Variants in PRKAG2 observed in about 807,000 individuals in gnomAD.
PRKAG2 encodes the protein 5'-AMP-activated protein kinase subunit gamma-2.
PRKAG2 carries 26 observed loss-of-function variants against 69.6 expected under a neutral mutation model. The observed-to-expected ratio is 0.37, with a 90% CI of 0.27 to 0.52. PRKAG2 has a LOEUF of 0.52. PRKAG2 is among the 20% of genes least tolerant of loss of function. The pLI, the probability that PRKAG2 is intolerant of heterozygous loss-of-function variation, is 0.90. For missense variants in PRKAG2, 557 were observed against 740.0 expected, an observed-to-expected ratio of 0.75 and a Z score of 2.87; for synonymous variants, 293 against 285.0, an observed-to-expected ratio of 1.03 and a Z score of -0.28.
At chr7:151,730,597 G>A (rs945004650) in intron 3 of PRKAG2, among the ~76,000 whole-genome samples, 3 of 152,100 alleles carry the variant, frequency 2.0e-5, no homozygotes, top group African/African-American at 7.2e-5. Context: ...AACCAATAGT[G>A]ATACCAGCAG....
At chr7:151,644,359 T>G (rs1827226232) in intron 4 of PRKAG2, among the ~76,000 whole-genome samples, 1 of 152,226 alleles carries the variant, frequency 6.6e-6, no homozygotes, top group African/African-American at 2.4e-5. Context: ...CACCCCTTCT[T>G]CAAGGCAACC....
Position 151,632,713 on chromosome 7 carries a change from T to C in PRKAG2, c.685-575A>G. 18 of 631,674 alleles carry C rather than the reference T, an allele frequency of 2.8e-5. No homozygotes were observed. Among genetic ancestry groups the C allele is most frequent in the Non-Finnish European group, 3.6e-5 (18 of 506,462 alleles). 39.1% of individuals were successfully genotyped at this position (631,674 alleles called of 1,614,324 possible). Reference sequence around the variant, plus strand: ...GATCCTTTCTCGCTTTCCTCTTCCCTTTCCAAATTTTAGATGTAACTGCCC... The same window carrying C: ...GATCCTTTCTCGCTTTCCTCTTCCCCTTCCAAATTTTAGATGTAACTGCCC... On this transcript the variant is annotated intron_variant, in intron 4 of 15. Transcript: ENST00000287878. This position sits in a 1 kb window ranked among gnomAD's most constrained non-coding sequence, Gnocchi z 4.2.
intron 3 of PRKAG2, among the ~76,000 whole-genome samples, chr7:151,769,279 T>C (rs1048255320): frequency 6.6e-6 from 1 of 152,230 alleles, no homozygotes; most frequent in Non-Finnish European, 1.5e-5. Flanking sequence ...GGTTAGACAG[T>C]GCCCCCACTA....
chr7:151,804,627 G>A (rs142805533), intron 1 of PRKAG2, among the ~76,000 whole-genome samples: 110 of 152,282 alleles, frequency 7.2e-4, no homozygotes, highest in Middle Eastern at 3.4e-3. Context: ...TCTATTTCCC[G>A]CACTGACTCA....
intron 3 of PRKAG2, among the ~76,000 whole-genome samples, chr7:151,687,110 T>A (rs139725203): frequency 1.5e-4 from 23 of 152,254 alleles, no homozygotes; most frequent in African/African-American, 5.3e-4. Context: ...ACAGAAATGG[T>A]GGTGCAGGGG....
chr7:151,732,622 G>A (rs1697886853), intron 3 of PRKAG2, among the ~76,000 whole-genome samples: 1 of 152,218 alleles, frequency 6.6e-6, no homozygotes, highest in Non-Finnish European at 1.5e-5. Context: ...AAGACCTAGG[G>A]TTAGAGCTAC....
intron 1 of PRKAG2, among the ~76,000 whole-genome samples, chr7:151,799,772 G>A (rs2077735733): frequency 6.6e-6 from 1 of 152,142 alleles, no homozygotes; most frequent in Non-Finnish European, 1.5e-5. Context: ...GAAGGTGTCT[G>A]CTACTCCCCA....
At chr7:151,712,054 A>G (rs1218966460) in intron 3 of PRKAG2, among the ~76,000 whole-genome samples, 1 of 152,196 alleles carries the variant, frequency 6.6e-6, no homozygotes, top group African/African-American at 2.4e-5. Flanking sequence ...TCAGGGTGTG[A>G]CTGCCCGGAG....
chr7:151,876,555 G>C lies in PRKAG2; in HGVS notation c.66C>G (p.Gly22=), dbSNP rs730880971. The part of the protein sequence containing the change: ...KDVSSPGGSG[G]KKNASQKRRS... ...GCCTCTTCTGGCTGGCATTTTTCTT[G>C]CCGCCGCTCCCGCCGGGGCTGGAAA... Residue 22 remains glycine (G), a synonymous_variant, in exon 1 of 16, where the codon GGC becomes GGG. Transcript: ENST00000287878. The C allele has an allele frequency of 7.5e-6, 12 of 1,609,502 alleles. No homozygotes were observed. The highest frequency in any genetic ancestry group is 8.5e-6 in the Non-Finnish European group (10 of 1,179,890).
chr7:151,620,091 C>A, intron 5 of PRKAG2, among the ~76,000 whole-genome samples: 1 of 152,128 alleles, frequency 6.6e-6, no homozygotes, highest in Middle Eastern at 3.4e-3. Flanking sequence ...TCCAGTTCCA[C>A]GCATTTGGGA....
chr7:151,616,760 A>T (rs1373521597), intron 5 of PRKAG2, among the ~76,000 whole-genome samples: 1 of 152,228 alleles, frequency 6.6e-6, no homozygotes, highest in Non-Finnish European at 1.5e-5. Context: ...TGAAAGAAGA[A>T]GTGTTTGAGA....
At chr7:151,810,615 C>CCACT (rs1332971404) in intron 1 of PRKAG2, 1 of 153,282 alleles carries the variant, frequency 6.5e-6, no homozygotes, top group Non-Finnish European at 1.5e-5. Flanking sequence ...GCCTGCAGCC[C>CCACT]ATGGGCTGGC....
chr7:151,790,930 GCTC>G (rs1360682408), intron 1 of PRKAG2, among the ~76,000 whole-genome samples: 4 of 152,278 alleles, frequency 2.6e-5, no homozygotes, highest in Non-Finnish European at 5.9e-5. Flanking sequence ...CCTGCTGCTA[GCTC>G]AGGCTGCCCG....
chr7:151,587,953 T>C (rs1372497279), intron 6 of PRKAG2, among the ~76,000 whole-genome samples: 1 of 152,186 alleles, frequency 6.6e-6, no homozygotes, highest in Admixed American at 6.5e-5. Context: ...GTGTGGGGTA[T>C]ATGTAAATTC....
intron 1 of PRKAG2, among the ~76,000 whole-genome samples, chr7:151,844,698 C>G (rs1292511803): frequency 6.6e-6 from 1 of 152,186 alleles, no homozygotes; most frequent in Non-Finnish European, 1.5e-5. Context: ...TTCTGTGGCT[C>G]ACTGTCTCTA....
chr7:151,643,558 C>T (rs921966404), intron 4 of PRKAG2, among the ~76,000 whole-genome samples: 1 of 152,166 alleles, frequency 6.6e-6, no homozygotes, highest in African/African-American at 2.4e-5. Flanking sequence ...CTCTACATAA[C>T]GTGATCAAAA....
At position 151,836,741 on chromosome 7, in the gene PRKAG2, G is replaced by A. The variant is rs2079155317; in HGVS notation, c.114+39766C>T. ...CCTGGGCTGGAGAACTGTGAGGTAG[G>A]ACCTAGCCCCTCGGGTCCCCTGCCC... On this transcript the variant is annotated intron_variant, in intron 1 of 15. Transcript: ENST00000287878. This position sits in a 1 kb window ranked among gnomAD's most constrained non-coding sequence, Gnocchi z 4.1. Among the ~76,000 whole-genome samples the A allele has an allele frequency of 6.6e-6, 1 of 152,220 alleles. No individual in the cohort carries two copies. Among genetic ancestry groups the A allele is most frequent in the Non-Finnish European group, 1.5e-5 (1 of 68,046 alleles).
intron 10 of PRKAG2, among the ~76,000 whole-genome samples, chr7:151,569,120 G>A (rs575034621): frequency 9.0e-4 from 137 of 152,260 alleles, no homozygotes; most frequent in African/African-American, 3.2e-3. Context: ...TGCCGTCATG[G>A]CTCACTGCAG....
chr7:151,841,579 GGTAGTGATGGTA>G (rs1297086659), intron 1 of PRKAG2, among the ~76,000 whole-genome samples: 1 of 149,810 alleles, frequency 6.7e-6, no homozygotes, highest in Non-Finnish European at 1.5e-5. Context: ...AGGTAGTGAT[GGTAGTGATGGTA>G]GGTAGTGATG....
Sources: gnomAD v4.1 joint callset for allele counts (sites outside exome capture counted in the v4.1 genomes callset) on GRCh38, gnomAD v4.1.1 for gene constraint, Gnocchi (gnomAD v3.1) non-coding constraint, MANE v1.5 for transcripts, NCBI Gene and HGNC (gene_info 2026-07-23, HGNC 2026-07-21) for gene names.